The following TRIM5 variants were observed in gnomAD, a reference collection of about 807,000 sequenced individuals.
TRIM5 encodes the protein tripartite motif containing 5.
A neutral mutation model predicts 35.6 loss-of-function variants in TRIM5; 31 were observed. The ratio of observed to expected loss-of-function variants is 0.87; its 90% CI spans 0.65 to 1.18. The LOEUF is 1.18. Ranked by LOEUF, TRIM5 falls within the 50% of genes most tolerant of loss-of-function variation. TRIM5 has a pLI of 0.00. For synonymous variants in TRIM5, 243 were observed against 215.6 expected (o/e 1.13, Z -1.11); for missense variants, 609 against 591.6 (o/e 1.03, Z -0.31).
chr11:5,658,241 G>C (rs944812234), downstream of TRIM5, among the ~76,000 whole-genome samples: 3 of 152,232 alleles, frequency 2.0e-5, no homozygotes, highest in African/African-American at 7.2e-5. Context: ...TGGAAGGCCA[G>C]CGACCAATGG....
the TRIM5 span, among the ~76,000 whole-genome samples, chr11:5,594,242 T>A: frequency 6.6e-6 from 1 of 152,198 alleles, no homozygotes; most frequent in Admixed American, 6.5e-5. Flanking sequence ...AAATAAAAAC[T>A]GCCTTGGTTA....
chr11:5,618,078 A>G, the TRIM5 span, among the ~76,000 whole-genome samples: 2 of 152,196 alleles, frequency 1.3e-5, no homozygotes, highest in Non-Finnish European at 2.9e-5. Context: ...TTATTTATGT[A>G]TCATCTGTGA....
At chr11:5,591,624 G>A in the TRIM5 span, among the ~76,000 whole-genome samples, 1 of 151,728 alleles carries the variant, frequency 6.6e-6, no homozygotes, top group East Asian at 1.9e-4. Context: ...CTCCAGCCTG[G>A]GCAAAAAGGG....
In TRIM5 at chr11:5,665,038, A is replaced by G. The variant is rs766662383; in HGVS notation, c.1253T>C (p.Phe418Ser). ...VKCSAFQDSS[F>S]HTPSVPFIVP... ...AATGAAAGGAACAGAAGGAGTATGGAAGGAACTATCCTGGAAAGCACTACA... is the reference window on the plus strand; with the variant it reads ...AATGAAAGGAACAGAAGGAGTATGGGAGGAACTATCCTGGAAAGCACTACA... The change falls in exon 8 of 8, where the codon TTC becomes TCC. Residue 418 changes from phenylalanine (F) to serine (S), a missense_variant. By Grantham distance (155) the Phe-to-Ser change is radical (BLOSUM62 -2). Transcript: ENST00000380034. The G allele has an allele frequency of 6.2e-7, 1 of 1,614,146 alleles. No individual in the cohort carries two copies. Among genetic ancestry groups the G allele is most frequent in the Non-Finnish European group, 8.5e-7 (1 of 1,180,032 alleles).
In TRIM5 at chr11:5,665,007, G is replaced by T; in HGVS notation, c.1284C>A (p.Pro428=). The part of the protein sequence containing the change: ...FHTPSVPFIV[P]LSVIICPDRV... ...GATCAGGACAAATAATCACAGAGAG[G>T]GGCACAATGAAAGGAACAGAAGGAG... is the stretch of plus-strand genomic sequence containing the variant. Residue 428 remains proline (P), a synonymous_variant, in exon 8 of 8, where the codon CCC becomes CCA. Transcript: ENST00000380034. 6.2e-7 allele frequency: 1 copy of T among 1,614,062 alleles called. No homozygotes were observed.
At chr11:5,648,636 A>C in the TRIM5 span, among the ~76,000 whole-genome samples, 5 of 152,210 alleles carry the variant, frequency 3.3e-5, no homozygotes, top group South Asian at 4.1e-4. Context: ...AAAAAAAATA[A>C]GCATAAGACC....
chr11:5,600,552 T>C, the TRIM5 span, among the ~76,000 whole-genome samples: 40 of 152,300 alleles, frequency 2.6e-4, no homozygotes, highest in Non-Finnish European at 1.9e-4. Context: ...TACCCTTATC[T>C]GAGACACTTT....
At chr11:5,627,378 C>T in the TRIM5 span, among the ~76,000 whole-genome samples, 1 of 151,224 alleles carries the variant, frequency 6.6e-6, no homozygotes, top group Non-Finnish European at 1.5e-5. Flanking sequence ...AAAACTCCGT[C>T]TCAAAAAAAA....
At chr11:5,619,043 G>A in the TRIM5 span, among the ~76,000 whole-genome samples, 21 of 152,256 alleles carry the variant, frequency 1.4e-4, no homozygotes, top group African/African-American at 2.4e-5. Context: ...GTGTGCAAAC[G>A]GTGATATGAG....
chr11:5,658,614 C>G (rs886261461), downstream of TRIM5, among the ~76,000 whole-genome samples: 1 of 152,190 alleles, frequency 6.6e-6, no homozygotes, highest in African/African-American at 2.4e-5. Context: ...TTGTCACTTT[C>G]TAGTGCCTTC....
Position 5,678,303 on chromosome 11 carries a change from C to G in TRIM5, c.645G>C (p.Thr215=). 1.2e-6 allele frequency: 2 copies of G among 1,614,088 alleles called. No homozygotes were observed. Among genetic ancestry groups the G allele is most frequent in the Non-Finnish European group, 1.7e-6 (2 of 1,179,974 alleles). ...GCTGCACCATCTCAGTTTCAGAGTT[C>G]GTAAGGCTTTTCAGAATGTCTTCCT... ...KEEEDILKSL[T]NSETEMVQQT... is the part of the protein sequence containing the mutation. Residue 215 remains threonine (T), a synonymous_variant, in exon 4 of 8, where the codon ACG becomes ACC. Transcript: ENST00000380034.
At chr11:5,590,725 C>A in the TRIM5 span, 1 of 152,282 alleles carries the variant, frequency 6.6e-6, no homozygotes, top group South Asian at 2.1e-4. Context: ...CTGGGGTCAC[C>A]TTCCACACTG....
chr11:5,615,577 G>T, the TRIM5 span, among the ~76,000 whole-genome samples: 49 of 109,482 alleles, frequency 4.5e-4, no homozygotes, highest in Non-Finnish European at 6.4e-4. Flanking sequence ...CTTGTTTTTT[G>T]TTTTTTTTTT....
the TRIM5 span, among the ~76,000 whole-genome samples, chr11:5,653,676 G>C: frequency 6.6e-6 from 1 of 151,614 alleles, no homozygotes; most frequent in Non-Finnish European, 1.5e-5. Flanking sequence ...ATTTTTGGTA[G>C]AGACAGGGTT....
At chr11:5,641,047 G>T in the TRIM5 span, 6 of 1,358,710 alleles carry the variant, frequency 4.4e-6, no homozygotes, top group East Asian at 2.6e-5. Flanking sequence ...CAATTTTGTT[G>T]ACATTTTCAT....
the TRIM5 span, among the ~76,000 whole-genome samples, chr11:5,641,956 T>C: frequency 6.6e-6 from 1 of 152,140 alleles, no homozygotes; most frequent in African/African-American, 2.4e-5. Context: ...GCTGACAGGA[T>C]TTCCCTACAG....
chr11:5,659,586 ATTCTT>A (rs947303397), downstream of TRIM5, among the ~76,000 whole-genome samples: 1 of 152,240 alleles, frequency 6.6e-6, no homozygotes, highest in Non-Finnish European at 1.5e-5. Flanking sequence ...TGTAATTCAT[ATTCTT>A]TTAATTCAAA....
chr11:5,661,041 C>CAAAAA (rs61394016), downstream of TRIM5, among the ~76,000 whole-genome samples: 3 of 37,120 alleles, frequency 8.1e-5, no homozygotes, highest in African/African-American at 2.5e-4. Context: ...GACTCCGTCT[C>CAAAAA]AAAAAAAAAA....
chr11:5,611,858 G>A, the TRIM5 span: 1 of 152,842 alleles, frequency 6.5e-6, no homozygotes, highest in African/African-American at 2.4e-5. Context: ...GGCGCTTTCA[G>A]TATTTTGCCA....
Sources: gnomAD v4.1 joint callset for allele counts (sites outside exome capture counted in the v4.1 genomes callset) on GRCh38, gnomAD v4.1.1 for gene constraint, MANE v1.5 for transcripts, NCBI Gene and HGNC (gene_info 2026-07-23, HGNC 2026-07-21) for gene names.